Variants in FAM151A observed in about 807,000 individuals in gnomAD.
The protein encoded by FAM151A is protein FAM151A.
Under a neutral mutation model 40.4 loss-of-function variants are expected in FAM151A, and 41 were observed. The observed-to-expected ratio is 1.01, with a 90% CI of 0.79 to 1.32. FAM151A has a LOEUF of 1.32. Among genes scored for constraint, FAM151A ranks in the 40% most tolerant of loss-of-function variants. The probability of loss-of-function intolerance (pLI) is 0.00; values close to 1 mark genes in which losing one functional copy is unlikely to be tolerated. For missense variants in FAM151A, 740 were observed against 740.4 expected (o/e 1.00, Z 0.01); for synonymous variants, 337 against 312.5 (o/e 1.08, Z -0.83).
At chr1:54,619,255 C>G (rs1327616792) in intron 2 of FAM151A, among the ~76,000 whole-genome samples, 3 of 152,206 alleles carry the variant, frequency 2.0e-5, no homozygotes, top group Non-Finnish European at 4.4e-5. Flanking sequence ...TGAACATTAT[C>G]TACTGAGCTT....
rs1368883 is a variant in FAM151A at position 54,609,779 on chromosome 1, G to C, written c.1247C>G (p.Ala416Gly). ...GGATGGCCGGAGGGCTGCGGGCTCC[G>C]CTATTTGCAAATGGATGCCCCAGTG... ...PGHWGIHLQIAEPAALRPSLA... is the reference protein window; with the variant it reads ...PGHWGIHLQIGEPAALRPSLA... The change falls in exon 8 of 8, where the codon GCG becomes GGG. Residue 416 changes from alanine (A) to glycine (G), a missense_variant. Ala to Gly is a moderately conservative substitution (Grantham distance 60). Coordinates refer to ENST00000302250, the MANE Select transcript of FAM151A (RefSeq NM_176782.3). 1.2e-6 allele frequency: 2 copies of C among 1,613,942 alleles called. No homozygotes were observed.
rs1264870528 is a variant in FAM151A at position 54,616,088 on chromosome 1, G to A, written c.347C>T (p.Pro116Leu). 2 of 1,614,184 alleles carry A rather than the reference G, an allele frequency of 1.2e-6. No individual in the cohort carries two copies. Among genetic ancestry groups the A allele is most frequent in the Non-Finnish European group, 1.7e-6 (2 of 1,180,026 alleles). ...NETGVPIMAH[P>L]PTIYSDNTLE... ...TGTGTTGTCACTGTAGATAGTGGGG[G>A]GGTGTGCCATGATGGGAACTCCTGT... The change falls in exon 3 of 8, where the codon CCC becomes CTC. Residue 116 changes from proline (P) to leucine (L), a missense_variant. Transcript: ENST00000302250.
chr1:54,609,611 GGGAAGACCTCAGCCACAGCTGTAAGCA>G lies in FAM151A; in HGVS notation c.1388_1414del (p.Leu463_Phe471del), dbSNP rs1245537589. The G allele has an allele frequency of 1.9e-6, 3 of 1,613,334 alleles. No individual in the cohort carries two copies. Among genetic ancestry groups the G allele is most frequent in the Non-Finnish European group, 2.5e-6 (3 of 1,180,040 alleles). On this transcript the variant is annotated inframe_deletion, in exon 8 of 8. Coordinates refer to ENST00000302250, the MANE Select transcript of FAM151A (RefSeq NM_176782.3). ...CCAGCCTGGTGCCACAGTCACGTGG[GGGAAGACCTCAGCCACAGCTGTAAGCA>G]GCTCTCTGCCAGCCACATGGCCGGG...
At chr1:54,615,026 G>A (rs529463087) in intron 3 of FAM151A, among the ~76,000 whole-genome samples, 167 bp from the exon 4 acceptor site, 2 of 152,078 alleles carry the variant, frequency 1.3e-5, no homozygotes, top group Non-Finnish European at 2.9e-5. Flanking sequence ...TGTGAGGAAG[G>A]CCTTTCGAAG....
intron 4 of FAM151A, among the ~76,000 whole-genome samples, chr1:54,614,192 C>T (rs1439339484): frequency 1.3e-5 from 2 of 152,314 alleles, no homozygotes; most frequent in South Asian, 2.1e-4. Flanking sequence ...CTGTAGAGCA[C>T]TGTGCAACTA....
intron 2 of FAM151A, 36 bp downstream of exon 2, chr1:54,619,828 G>A: frequency 6.2e-7 from 1 of 1,609,036 alleles, no homozygotes; most frequent in Non-Finnish European, 8.5e-7. Flanking sequence ...TCTATCCCTT[G>A]CCCTGGCCTG....
chr1:54,616,281 T>C, intron 2 of FAM151A, 109 bp from the exon 3 acceptor site: 1 of 981,516 alleles, frequency 1.0e-6, no homozygotes, highest in South Asian at 1.7e-5. Flanking sequence ...TACAGAAAAG[T>C]GGAAGAGGAA....
chr1:54,619,797 C>T, intron 2 of FAM151A, 67 bp downstream of exon 2: 2 of 1,536,226 alleles, frequency 1.3e-6, no homozygotes, highest in Non-Finnish European at 1.8e-6. Flanking sequence ...GTCTGATCCT[C>T]ACTTCTCTCC....
In FAM151A at chr1:54,623,472, G is replaced by A. The variant is rs755113094; in HGVS notation, c.-77C>T. 5.3e-5 allele frequency: 59 copies of A among 1,111,878 alleles called. No individual in the cohort carries two copies. Among genetic ancestry groups the A allele is most frequent in the Admixed American group, 2.2e-4 (12 of 55,456 alleles). The allele number at this position is 1,111,878 out of a possible 1,614,324, so 68.9% of individuals were successfully genotyped here. On this transcript the variant is annotated 5_prime_UTR_variant, in exon 1 of 8. Transcript: ENST00000302250. ...AGGCTCCCTGCAGCTGGAATCCTGT[G>A]GGAGGCAGGAGCTCCCAGCAGCACC...
At position 54,609,419 on chromosome 1, in the gene FAM151A, G is replaced by A. The variant is rs1204929223; in HGVS notation, c.1607C>T (p.Thr536Ile). ...AGCTGGGTTGTGCTCCACTGTGACG[G>A]TGGCCCGGGGGGAGGATGCCAGCAG... ...GRLLASSPRATVTVEHNPAGG... is the reference protein window; with the variant it reads ...GRLLASSPRAIVTVEHNPAGG... The change falls in exon 8 of 8, where the codon ACC (threonine) becomes ATC (isoleucine). Residue 536 changes from threonine to isoleucine, a missense_variant. By Grantham distance (89) the Thr-to-Ile change is moderately conservative (BLOSUM62 -1). Coordinates refer to ENST00000302250, the MANE Select transcript of FAM151A (RefSeq NM_176782.3). The A allele has an allele frequency of 2.5e-6, 4 of 1,613,934 alleles. No homozygotes were observed. In the South Asian group the frequency reaches 4.4e-5, roughly 18 times the overall value.
chr1:54,623,141 T>C (rs112947722), intron 1 of FAM151A, 137 bp downstream of exon 1: 8,436 of 615,446 alleles, frequency 0.014, 91 homozygotes, highest in African/African-American at 0.036. Flanking sequence ...CGTGCCATTG[T>C]ACTCCAGCCT....
intron 1 of FAM151A, among the ~76,000 whole-genome samples, chr1:54,622,253 G>A (rs1440354559): frequency 8.2e-6 from 1 of 122,596 alleles, no homozygotes; most frequent in Non-Finnish European, 1.6e-5. Context: ...TCTAGGCTGA[G>A]TGACAGAGTG....
chr1:54,620,068 C>T (rs1318881208), intron 1 of FAM151A, 61 bp from the exon 2 acceptor site: 35 of 1,569,668 alleles, frequency 2.2e-5, no homozygotes, highest in South Asian at 5.8e-5. Context: ...GACTCATGTT[C>T]GTTCATCCCA....
intron 4 of FAM151A, among the ~76,000 whole-genome samples, chr1:54,614,103 A>G (rs1644146246): frequency 6.6e-6 from 1 of 152,246 alleles, no homozygotes; most frequent in Non-Finnish European, 1.5e-5. Flanking sequence ...CAGCTTTATC[A>G]TCTGCAATAT....
chr1:54,617,709 A>ATTTTTTTTTTTTT (rs56229276), intron 2 of FAM151A, among the ~76,000 whole-genome samples: 1 of 55,766 alleles, frequency 1.8e-5, no homozygotes, highest in African/African-American at 7.3e-5. Flanking sequence ...AGGGCCTGAG[A>ATTTTTTTTTTTTT]TTTTTTTTTT....
intron 1 of FAM151A, among the ~76,000 whole-genome samples, 186 bp from the exon 2 acceptor site, chr1:54,620,193 A>T (rs1242087161): frequency 6.6e-6 from 1 of 152,226 alleles, no homozygotes; most frequent in Non-Finnish European, 1.5e-5. Flanking sequence ...GGGCCCAAGG[A>T]AGCCTCATTA....
chr1:54,615,949 G>T (rs1644168051), intron 3 of FAM151A, 71 bp downstream of exon 3: 1 of 1,520,946 alleles, frequency 6.6e-7, no homozygotes, highest in African/African-American at 1.4e-5. Context: ...TTCCCAGTGA[G>T]GGATCTCTGC....
At chr1:54,616,766 T>C (rs1187518796) in intron 2 of FAM151A, among the ~76,000 whole-genome samples, 1 of 152,192 alleles carries the variant, frequency 6.6e-6, no homozygotes. Context: ...TCTTTTTTTA[T>C]GCATCTCTTT....
intron 3 of FAM151A, 89 bp from the exon 4 acceptor site, chr1:54,614,948 G>GTGTGTT (rs1553165716): frequency 7.8e-7 from 1 of 1,282,028 alleles, no homozygotes; most frequent in Non-Finnish European, 1.1e-6. Context: ...GGGTGTGTGT[G>GTGTGTT]TGTGTGCATG....
Sources: allele counts gnomAD v4.1 joint callset (sites outside exome capture counted in the v4.1 genomes callset), GRCh38; gene constraint gnomAD v4.1.1; transcripts MANE v1.5; gene names NCBI Gene and HGNC (gene_info 2026-07-23, HGNC 2026-07-21).